The following FAM133B variants were observed in gnomAD, a reference collection of about 807,000 sequenced individuals.
FAM133B encodes protein FAM133B.
In FAM133B, 25 loss-of-function variants were observed where a neutral mutation model predicts 46.4. That is an observed-to-expected ratio of 0.54 (90% confidence interval 0.39 to 0.75). FAM133B has a LOEUF of 0.75. Among genes scored for constraint, FAM133B ranks in the 30% least tolerant of loss-of-function variants. The probability of loss-of-function intolerance (pLI) is 0.00; values close to 1 mark genes in which losing one functional copy is unlikely to be tolerated. For missense variants in FAM133B, 205 were observed against 277.6 expected, an observed-to-expected ratio of 0.74 and a Z score of 1.86; for synonymous variants, 75 against 86.0, an observed-to-expected ratio of 0.87 and a Z score of 0.71.
At chr7:92,579,247 G>T in intron 3 of FAM133B, 70 bp downstream of exon 3, 1 of 1,382,548 alleles carries the variant, frequency 7.2e-7, no homozygotes, top group South Asian at 1.3e-5. Context: ...CCAAAGTGCT[G>T]GAATTATAGG....
At chr7:92,583,736 T>C (rs1369187797) in intron 1 of FAM133B, among the ~76,000 whole-genome samples, 1 of 152,020 alleles carries the variant, frequency 6.6e-6, no homozygotes. Flanking sequence ...ATTTTATTTA[T>C]TACTATTATT....
intron 1 of FAM133B, 29 bp from the exon 2 acceptor site, chr7:92,581,632 T>C: frequency 6.4e-7 from 1 of 1,568,182 alleles, no homozygotes; most frequent in Non-Finnish European, 8.8e-7. Flanking sequence ...ATTAATCCAT[T>C]AAAGCAATCA....
intron 1 of FAM133B, chr7:92,589,946 G>T (rs772025381): frequency 2.0e-5 from 9 of 453,528 alleles, no homozygotes; most frequent in African/African-American, 4.1e-5. Flanking sequence ...CCAGGTGTGG[G>T]GGGGGTTCCC....
At position 92,566,035 on chromosome 7, in the gene FAM133B, A is replaced by G. The variant is rs1794337514; in HGVS notation, c.636T>C (p.Ser212=). The G allele has an allele frequency of 6.2e-7, 1 of 1,613,690 alleles. No individual in the cohort carries two copies. The highest frequency in any genetic ancestry group is 1.7e-5 in the Admixed American group (1 of 59,998). The stretch of plus-strand genomic sequence containing the variant: ...TTGCTGTTGCTTTTTCTCGTTCTTC[A>G]CTGCTTTTCTTCTTTTTTGCTCGCA... The part of the protein sequence containing the change: ...EEVRAKKKKS[S]EEREKATEKT... The change falls in exon 10 of 11, where the codon AGT becomes AGC. Residue 212 remains serine, a synonymous_variant. Coordinates refer to ENST00000445716, the MANE Select transcript of FAM133B (RefSeq NM_152789.4).
At chr7:92,586,434 G>T (rs79270659) in intron 1 of FAM133B, among the ~76,000 whole-genome samples, 2,922 of 152,228 alleles carry the variant, frequency 0.019, 92 homozygotes, top group African/African-American at 0.067. Context: ...TTTCATTTTT[G>T]TATCAGTGTG....
At chr7:92,590,241 C>T (rs375625716) in intron 1 of FAM133B, 27 bp downstream of exon 1, 1 of 1,613,600 alleles carries the variant, frequency 6.2e-7, no homozygotes. Context: ...CTGCGTCGCC[C>T]CACTGTTTTC....
intron 9 of FAM133B, among the ~76,000 whole-genome samples, chr7:92,568,036 T>C (rs1794415476): frequency 6.6e-6 from 1 of 152,144 alleles, no homozygotes; most frequent in Non-Finnish European, 1.5e-5. Context: ...AGTGCTGGGA[T>C]ACAGGCGTGA....
intron 1 of FAM133B, among the ~76,000 whole-genome samples, chr7:92,583,015 A>T (rs1264578999): frequency 6.6e-6 from 1 of 152,250 alleles, no homozygotes; most frequent in African/African-American, 2.4e-5. Context: ...CTAAACAGAT[A>T]CTTGTACACA....
intron 8 of FAM133B, among the ~76,000 whole-genome samples, chr7:92,572,974 T>C (rs1175841665): frequency 6.6e-6 from 1 of 152,050 alleles, no homozygotes; most frequent in Non-Finnish European, 1.5e-5. Context: ...AAACACAATG[T>C]TACCATTTTG....
Position 92,581,621 on chromosome 7 carries a change from A to G in FAM133B, c.25-18T>C, listed in dbSNP as rs746037297. ...ATATAGGCCTTGGGGAAAGAACAAC[A>G]ATTAATCCATTAAAGCAATCATTAA... On this transcript the variant is annotated intron_variant, in intron 1 of 10. Transcript: ENST00000445716. The G allele has an allele frequency of 1.1e-5, 17 of 1,596,292 alleles. No individual in the cohort carries two copies. In the African/African-American group the frequency reaches 2.3e-4, roughly 21 times the overall value.
In FAM133B at chr7:92,581,618, A is replaced by G. The variant is rs779072938; in HGVS notation, c.25-15T>C. On this transcript the variant is annotated splice_polypyrimidine_tract_variant and intron_variant, in intron 1 of 10. Coordinates refer to ENST00000445716, the MANE Select transcript of FAM133B (RefSeq NM_152789.4). ...TTCATATAGGCCTTGGGGAAAGAAC[A>G]ACAATTAATCCATTAAAGCAATCAT... is the stretch of plus-strand genomic sequence containing the variant. 6.2e-6 allele frequency: 10 copies of G among 1,600,632 alleles called. No homozygotes were observed. The African/African-American group carries it at 1.3e-4, about 21-fold the overall frequency.
chr7:92,575,820 T>C lies in FAM133B; in HGVS notation c.467A>G (p.Asp156Gly), dbSNP rs771642506. ...TGACTTCTTTTTCTTTTTTAAACTATCCTAAACAAAGAAATATATGTATCA... is the reference window on the plus strand; with the variant it reads ...TGACTTCTTTTTCTTTTTTAAACTACCCTAAACAAAGAAATATATGTATCA... ...SMSETESDSK[D>G]SLKKKKKSKD... is the part of the protein sequence containing the mutation. Residue 156 changes from aspartate to glycine, a missense_variant and splice_region_variant, in exon 8 of 11, where the codon GAT becomes GGT. Asp to Gly is a moderately conservative substitution (Grantham distance 94). Coordinates refer to ENST00000445716, the MANE Select transcript of FAM133B (RefSeq NM_152789.4). 3.1e-6 allele frequency: 4 copies of C among 1,279,594 alleles called. No homozygotes were observed. Among genetic ancestry groups the C allele is most frequent in the South Asian group, 2.5e-5 (2 of 81,384 alleles). The allele number at this position is 1,279,594 out of a possible 1,614,324, so 79.3% of individuals were successfully genotyped here. A position where few individuals can be genotyped will look rare whatever the true frequency, so the allele number is the denominator to read the frequency against.
At chr7:92,584,665 T>C (rs1177500407) in intron 1 of FAM133B, among the ~76,000 whole-genome samples, 2 of 152,256 alleles carry the variant, frequency 1.3e-5, no homozygotes, top group Non-Finnish European at 2.9e-5. Flanking sequence ...GTATAAACTG[T>C]TATACCCTCA....
intron 9 of FAM133B, among the ~76,000 whole-genome samples, chr7:92,568,106 A>C (rs899839808): frequency 6.6e-6 from 1 of 152,038 alleles, no homozygotes; most frequent in East Asian, 1.9e-4. Context: ...ATTTTTTTAA[A>C]GAGATAGGGT....
At chr7:92,572,791 T>C (rs966128581) in intron 8 of FAM133B, among the ~76,000 whole-genome samples, 2 of 152,190 alleles carry the variant, frequency 1.3e-5, no homozygotes, top group Non-Finnish European at 2.9e-5. Context: ...AGCAGCACTA[T>C]TTGTATTACT....
chr7:92,583,792 T>C (rs1794957578), intron 1 of FAM133B, among the ~76,000 whole-genome samples: 2 of 151,902 alleles, frequency 1.3e-5, no homozygotes, highest in South Asian at 4.1e-4. Context: ...CTCACGCCTG[T>C]AATCCTAGCA....
At chr7:92,584,047 CAAAAAAAAAA>C (rs765172200) in intron 1 of FAM133B, among the ~76,000 whole-genome samples, 1 of 36,794 alleles carries the variant, frequency 2.7e-5, no homozygotes, top group Non-Finnish European at 5.0e-5. Flanking sequence ...AAGACTGTCT[CAAAAAAAAAA>C]AAAAAAAAAA....
rs139970546 is a variant in FAM133B at position 92,588,967 on chromosome 7, T to C, written c.24+1301A>G. Among the ~76,000 whole-genome samples, 27 of 152,310 alleles carry C rather than the reference T, an allele frequency of 1.8e-4. No individual in the cohort carries two copies. In the East Asian group the frequency reaches 4.2e-3, roughly 24 times the overall value. On this transcript the variant is annotated intron_variant, in intron 1 of 10. Transcript: ENST00000445716. ...GAACCGTGAGCCAATTAAACACTTT[T>C]CTTTATAAATTACCCAGCCTCAGGT... is the stretch of plus-strand genomic sequence containing the variant.
intron 9 of FAM133B, among the ~76,000 whole-genome samples, chr7:92,567,369 A>G (rs1439808576): frequency 2.6e-5 from 4 of 152,234 alleles, no homozygotes; most frequent in African/African-American, 4.8e-5. Context: ...ATACAAAACA[A>G]TATTTATAAA....
Sources: allele counts gnomAD v4.1 joint callset (sites outside exome capture counted in the v4.1 genomes callset), GRCh38; gene constraint gnomAD v4.1.1; transcripts MANE v1.5; gene names NCBI Gene and HGNC (gene_info 2026-07-23, HGNC 2026-07-21).